PDE3A: variants seen among roughly 807,000 people sequenced by gnomAD.
The protein encoded by PDE3A is phosphodiesterase 3A.
PDE3A carries 43 observed loss-of-function variants against 98.3 expected under a neutral mutation model. The observed-to-expected ratio is 0.44, with a 90% CI of 0.34 to 0.56. PDE3A has a LOEUF of 0.56. Among genes scored for constraint, PDE3A ranks in the 20% least tolerant of loss-of-function variants. PDE3A has a pLI of 0.01. For synonymous variants in PDE3A, 663 were observed against 567.9 expected (o/e 1.17, Z -2.38); for missense variants, 1,427 against 1,440.7 (o/e 0.99, Z 0.15).
intron 1 of PDE3A, among the ~76,000 whole-genome samples, chr12:20,443,134 A>G (rs1944896987): frequency 6.6e-6 from 1 of 152,042 alleles, no homozygotes; most frequent in Non-Finnish European, 1.5e-5. Context: ...AAATGTATAT[A>G]TTTAATGTGT....
At chr12:20,570,467 TGTCA>T (rs1321404669) in intron 2 of PDE3A, among the ~76,000 whole-genome samples, 2 of 148,996 alleles carry the variant, frequency 1.3e-5, no homozygotes, top group Non-Finnish European at 3.0e-5. Flanking sequence ...TTTTTCTCTT[TGTCA>T]TTCTGTAAGG....
chr12:20,605,526 G>C (rs1943689896), intron 2 of PDE3A, among the ~76,000 whole-genome samples: 1 of 152,108 alleles, frequency 6.6e-6, no homozygotes, highest in South Asian at 2.1e-4. Context: ...GTGTATGTGT[G>C]TGTGTGTAAA....
chr12:20,471,093 C>A (rs1945431939), intron 1 of PDE3A, among the ~76,000 whole-genome samples: 1 of 152,104 alleles, frequency 6.6e-6, no homozygotes, highest in Non-Finnish European at 1.5e-5. Context: ...TTAAGCCACC[C>A]AGTCTACAAT....
At chr12:20,540,406 G>T (rs1941862362) in intron 1 of PDE3A, among the ~76,000 whole-genome samples, 1 of 152,042 alleles carries the variant, frequency 6.6e-6, no homozygotes, top group Admixed American at 6.6e-5. Flanking sequence ...TGCCCTTGAA[G>T]TTGTTATTAT....
At chr12:20,562,920 C>T (rs915940450) in intron 2 of PDE3A, among the ~76,000 whole-genome samples, 4 of 151,890 alleles carry the variant, frequency 2.6e-5, no homozygotes, top group Admixed American at 6.6e-5. Context: ...CTGAGTATTC[C>T]GATGGAAAAA....
At chr12:20,637,907 A>G (rs1167500544) in intron 9 of PDE3A, among the ~76,000 whole-genome samples, 2 of 152,162 alleles carry the variant, frequency 1.3e-5, no homozygotes, top group African/African-American at 4.8e-5. Flanking sequence ...TTGCTGTACT[A>G]TGGAATAGCT....
At chr12:20,566,867 C>A (rs1487309723) in intron 2 of PDE3A, among the ~76,000 whole-genome samples, 1 of 151,872 alleles carries the variant, frequency 6.6e-6, no homozygotes. Flanking sequence ...TCCACTTTTA[C>A]CACTCATTGT....
At chr12:20,595,284 G>C (rs1239100853) in intron 2 of PDE3A, among the ~76,000 whole-genome samples, 1 of 151,998 alleles carries the variant, frequency 6.6e-6, no homozygotes, top group African/African-American at 2.4e-5. Context: ...TGAAGAAAAA[G>C]GATTTCCTTT....
At chr12:20,419,735 T>C (rs1235671647) in intron 1 of PDE3A, among the ~76,000 whole-genome samples, 1 of 69,158 alleles carries the variant, frequency 1.4e-5, no homozygotes, top group East Asian at 5.1e-4. Context: ...AATTTAATAT[T>C]GTATTTTTTT....
At chr12:20,484,420 C>A (rs1394012890) in intron 1 of PDE3A, among the ~76,000 whole-genome samples, 3 of 152,128 alleles carry the variant, frequency 2.0e-5, no homozygotes, top group Non-Finnish European at 2.9e-5. Flanking sequence ...TCCCCCAAAT[C>A]AACGTATCTC....
chr12:20,496,894 T>A (rs980158646), intron 1 of PDE3A, among the ~76,000 whole-genome samples: 2 of 151,898 alleles, frequency 1.3e-5, no homozygotes, highest in Non-Finnish European at 2.9e-5. Context: ...TCCAGAAGAG[T>A]GTAATTTATC....
At chr12:20,410,558 C>T (rs1004084826) in intron 1 of PDE3A, among the ~76,000 whole-genome samples, 1 of 152,106 alleles carries the variant, frequency 6.6e-6, no homozygotes, top group African/African-American at 2.4e-5. Flanking sequence ...CCGTCAGCTA[C>T]CTAGAGTTAG....
chr12:20,506,820 T>C lies in PDE3A; in HGVS notation c.961-49840T>C, dbSNP rs559116449. 3.9e-5 allele frequency among the ~76,000 whole-genome samples: 6 copies of C among 152,186 alleles called. No homozygotes were observed. The South Asian group carries it at 1.2e-3, about 32-fold the overall frequency. On this transcript the variant is annotated intron_variant, in intron 1 of 15. Coordinates refer to ENST00000359062, the MANE Select transcript of PDE3A (RefSeq NM_000921.5). ...GCATCAAGTTAATTCATTATTTTTA[T>C]GTAATGTTTTAGAGAAATTGATCAC...
chr12:20,460,956 C>T (rs7308231), intron 1 of PDE3A, among the ~76,000 whole-genome samples: 67,000 of 151,870 alleles, frequency 0.44, 15,052 homozygotes, highest in Admixed American at 0.54. Flanking sequence ...AACTTTTTAC[C>T]TGAGTAATGC....
intron 1 of PDE3A, among the ~76,000 whole-genome samples, chr12:20,555,570 T>C (rs1942349008): frequency 6.6e-6 from 1 of 152,214 alleles, no homozygotes; most frequent in Admixed American, 6.5e-5. Context: ...TAACTGATTA[T>C]ATATGTTTAT....
intron 1 of PDE3A, among the ~76,000 whole-genome samples, chr12:20,440,363 G>A (rs1425838540): frequency 6.6e-6 from 1 of 152,156 alleles, no homozygotes; most frequent in East Asian, 1.9e-4. Flanking sequence ...AGTTTGTGAA[G>A]TAGACGTTAA....
intron 1 of PDE3A, among the ~76,000 whole-genome samples, chr12:20,387,125 G>T (rs1189492111): frequency 2.0e-5 from 3 of 151,984 alleles, no homozygotes; most frequent in Non-Finnish European, 4.4e-5. Context: ...GGTTCCATTG[G>T]TCTATGTGTC....
intron 1 of PDE3A, among the ~76,000 whole-genome samples, chr12:20,505,861 G>T (rs1035435293): frequency 6.6e-6 from 1 of 151,918 alleles, no homozygotes; most frequent in African/African-American, 2.4e-5. Flanking sequence ...GCATGGAGCT[G>T]CCATATACAA....
chr12:20,546,345 TA>T (rs1942057369), intron 1 of PDE3A, among the ~76,000 whole-genome samples: 1 of 150,418 alleles, frequency 6.6e-6, no homozygotes, highest in Non-Finnish European at 1.5e-5. Flanking sequence ...CTTACTCCGT[TA>T]ATAAGAAGAG....
Sources: allele counts gnomAD v4.1 joint callset (sites outside exome capture counted in the v4.1 genomes callset), GRCh38; gene constraint gnomAD v4.1.1; transcripts MANE v1.5; gene names NCBI Gene and HGNC (gene_info 2026-07-23, HGNC 2026-07-21).